CADPS2: variants seen among roughly 807,000 people sequenced by gnomAD.
The protein encoded by CADPS2 is calcium-dependent secretion activator 2.
A neutral mutation model predicts 172.5 loss-of-function variants in CADPS2; 93 were observed. That is an observed-to-expected ratio of 0.54 (90% CI 0.46 to 0.64). The LOEUF (loss-of-function observed/expected upper bound fraction) is 0.64, where lower values mean the gene tolerates loss of function less well. CADPS2 is among the 30% of genes least tolerant of loss of function. The pLI is 0.00. For synonymous variants in CADPS2, 546 were observed against 555.2 expected (o/e 0.98, Z 0.23); for missense variants, 1,420 against 1,565.9 (o/e 0.91, Z 1.57).
chr7:122,513,184 C>T (rs2060125075), intron 9 of CADPS2, 65 bp downstream of exon 9: 1 of 1,079,476 alleles, frequency 9.3e-7, no homozygotes. Flanking sequence ...TAGATATAAC[C>T]CACATAAACA....
At chr7:122,663,125 T>C in intron 3 of CADPS2, 112 bp downstream of exon 3, 1 of 832,784 alleles carries the variant, frequency 1.2e-6, no homozygotes, top group African/African-American at 1.7e-5. Flanking sequence ...TTTGCTCAAC[T>C]TTCCAAGTAA....
intron 17 of CADPS2, among the ~76,000 whole-genome samples, chr7:122,433,566 G>A (rs775067126): frequency 6.6e-6 from 1 of 151,910 alleles, no homozygotes; most frequent in Non-Finnish European, 1.5e-5. Context: ...CCCACTCCAA[G>A]CTAATTTTGT....
At chr7:122,539,820 T>G (rs1489890046) in intron 8 of CADPS2, among the ~76,000 whole-genome samples, 2 of 145,556 alleles carry the variant, frequency 1.4e-5, no homozygotes, top group Admixed American at 1.4e-4. Context: ...TGTCTTTCTG[T>G]CTCTCTCTTT....
At chr7:122,508,873 C>T (rs897017951) in intron 9 of CADPS2, among the ~76,000 whole-genome samples, 16 of 152,044 alleles carry the variant, frequency 1.1e-4, no homozygotes, top group Non-Finnish European at 2.4e-4. Flanking sequence ...GTAGTGCTGG[C>T]AGGAGTGTTG....
intron 7 of CADPS2, among the ~76,000 whole-genome samples, chr7:122,561,850 T>C (rs2065822151): frequency 1.3e-5 from 2 of 152,190 alleles, no homozygotes; most frequent in African/African-American, 4.8e-5. Flanking sequence ...CACAGTTTCC[T>C]TCACAGTCTA....
chr7:122,760,885 C>T (rs572708665), intron 1 of CADPS2, among the ~76,000 whole-genome samples: 1 of 151,886 alleles, frequency 6.6e-6, no homozygotes, highest in African/African-American at 2.4e-5. Flanking sequence ...CTGGGTGCAG[C>T]ACACCAACAT....
chr7:122,757,099 A>C (rs2093196018), intron 1 of CADPS2, among the ~76,000 whole-genome samples: 2 of 152,154 alleles, frequency 1.3e-5, no homozygotes, highest in Non-Finnish European at 2.9e-5. Context: ...TGTTGACCAA[A>C]GGGCAATGTT....
chr7:122,821,088 G>T (rs947680744), intron 1 of CADPS2, among the ~76,000 whole-genome samples: 6 of 151,608 alleles, frequency 4.0e-5, no homozygotes, highest in African/African-American at 1.5e-4. Flanking sequence ...GTTGTTCCTG[G>T]CCCAGACTTC....
At chr7:122,410,935 G>A (rs2047228557) in intron 19 of CADPS2, among the ~76,000 whole-genome samples, 1 of 152,112 alleles carries the variant, frequency 6.6e-6, no homozygotes, top group Admixed American at 6.6e-5. Context: ...TACTTTATAG[G>A]TTAGCAAACA....
At chr7:122,823,643 T>C (rs989006254) in intron 1 of CADPS2, among the ~76,000 whole-genome samples, 5 of 152,208 alleles carry the variant, frequency 3.3e-5, no homozygotes, top group East Asian at 1.9e-4. Flanking sequence ...CAAGGCTCTA[T>C]AATTAACTAT....
At chr7:122,534,693 T>A (rs1056018423) in intron 8 of CADPS2, among the ~76,000 whole-genome samples, 1 of 152,020 alleles carries the variant, frequency 6.6e-6, no homozygotes, top group Non-Finnish European at 1.5e-5. Context: ...TTAACAGTAA[T>A]GTACATCAAT....
At chr7:122,755,682 G>T (rs2093128847) in intron 1 of CADPS2, among the ~76,000 whole-genome samples, 1 of 151,614 alleles carries the variant, frequency 6.6e-6, no homozygotes, top group South Asian at 2.1e-4. Flanking sequence ...GATTTGTTTT[G>T]CAGAGAAAAA....
At chr7:122,455,274 C>G (rs1402066638) in intron 14 of CADPS2, among the ~76,000 whole-genome samples, 1 of 152,138 alleles carries the variant, frequency 6.6e-6, no homozygotes, top group Non-Finnish European at 1.5e-5. Flanking sequence ...ACATGCACAC[C>G]TGGCTTGCTT....
chr7:122,700,484 T>TA (rs2085864558), intron 2 of CADPS2, among the ~76,000 whole-genome samples: 1 of 152,202 alleles, frequency 6.6e-6, no homozygotes, highest in South Asian at 2.1e-4. Flanking sequence ...AAAGGTAGTA[T>TA]ATGGTGTGTA....
At chr7:122,537,197 A>T (rs2062389520) in intron 8 of CADPS2, among the ~76,000 whole-genome samples, 1 of 152,050 alleles carries the variant, frequency 6.6e-6, no homozygotes, top group African/African-American at 2.4e-5. Context: ...TTCAAGAAGC[A>T]TGTATACAAC....
intron 20 of CADPS2, among the ~76,000 whole-genome samples, chr7:122,403,224 T>C (rs1346124180): frequency 6.6e-6 from 1 of 152,214 alleles, no homozygotes; most frequent in African/African-American, 2.4e-5. Context: ...TGATTTTGGA[T>C]GGAAACTTGT....
chr7:122,549,955 A>G (rs1459627952), intron 8 of CADPS2, among the ~76,000 whole-genome samples: 1 of 152,180 alleles, frequency 6.6e-6, no homozygotes, highest in Non-Finnish European at 1.5e-5. Context: ...TTCCTCCCCT[A>G]AATTAGTTGG....
At chr7:122,416,536 CAT>C (rs1466316132) in intron 17 of CADPS2, among the ~76,000 whole-genome samples, 1 of 152,240 alleles carries the variant, frequency 6.6e-6, no homozygotes, top group Non-Finnish European at 1.5e-5. Context: ...ATTCTCACCA[CAT>C]GATTCATTCC....
At chr7:122,414,001 T>G in intron 19 of CADPS2, 67 bp downstream of exon 19, 1 of 1,315,112 alleles carries the variant, frequency 7.6e-7, no homozygotes, top group Non-Finnish European at 1.1e-6. Flanking sequence ...TCAGAGTAGA[T>G]TGTATTTTAA....
Sources: allele counts gnomAD v4.1 joint callset (sites outside exome capture counted in the v4.1 genomes callset), GRCh38; gene constraint gnomAD v4.1.1; transcripts MANE v1.5; gene names NCBI Gene and HGNC (gene_info 2026-07-23, HGNC 2026-07-21).